Variants in MTA1 observed in about 807,000 individuals in gnomAD.
MTA1 encodes the protein metastasis-associated protein MTA1.
In MTA1, 15 loss-of-function variants were observed where a neutral mutation model predicts 97.0. That is an observed-to-expected ratio of 0.15 (90% CI 0.10 to 0.24). The LOEUF is 0.24. Among genes scored for constraint, MTA1 ranks in the 10% least tolerant of loss-of-function variants. The probability of loss-of-function intolerance (pLI) is 1.00; values close to 1 mark genes in which losing one functional copy is unlikely to be tolerated. For missense variants in MTA1, 709 were observed against 1,015.1 expected, an observed-to-expected ratio of 0.70 and a Z score of 4.10; for synonymous variants, 435 against 417.5, an observed-to-expected ratio of 1.04 and a Z score of -0.51.
chr14:105,451,482 C>T (rs78756252), intron 6 of MTA1, among the ~76,000 whole-genome samples: 3,364 of 152,306 alleles, frequency 0.022, 121 homozygotes, highest in African/African-American at 0.077. Context: ...ACATGCTGGG[C>T]GGGAGCAGAG....
chr14:105,439,350 G>A (rs1053421779), intron 2 of MTA1, among the ~76,000 whole-genome samples: 3 of 151,932 alleles, frequency 2.0e-5, no homozygotes, highest in African/African-American at 7.3e-5. Flanking sequence ...CTGTTTGGTC[G>A]GGGGACGTGG....
intron 2 of MTA1, among the ~76,000 whole-genome samples, chr14:105,444,374 C>CA (rs1416423204): frequency 8.1e-5 from 12 of 148,416 alleles, no homozygotes; most frequent in Admixed American, 3.4e-4. Flanking sequence ...GACTCTGTCT[C>CA]AAAAAAAAAG....
intron 1 of MTA1, among the ~76,000 whole-genome samples, chr14:105,435,443 C>A (rs1159752482): frequency 6.6e-6 from 1 of 152,150 alleles, no homozygotes; most frequent in Non-Finnish European, 1.5e-5. Flanking sequence ...TGCTACCACA[C>A]CTGCATAATT....
At chr14:105,449,973 T>C (rs1415804835) in intron 4 of MTA1, 85 bp from the exon 5 acceptor site, 1 of 1,583,804 alleles carries the variant, frequency 6.3e-7, no homozygotes, top group Non-Finnish European at 8.6e-7. Context: ...TCCTGCGTGC[T>C]GGCGCCAGGT....
intron 16 of MTA1, 183 bp from the exon 17 acceptor site, chr14:105,466,243 T>C (rs1425739345): frequency 2.6e-5 from 16 of 615,200 alleles, no homozygotes; most frequent in African/African-American, 5.6e-5. Flanking sequence ...CGAGGGCTTC[T>C]GGGCTTCTGG....
intron 19 of MTA1, 152 bp from the exon 20 acceptor site, chr14:105,469,689 C>T: frequency 7.8e-7 from 1 of 1,277,602 alleles, no homozygotes; most frequent in Non-Finnish European, 1.1e-6. Flanking sequence ...GCCGACCAGC[C>T]CTCAGGGCTG....
chr14:105,457,602 G>GCC (rs1414300992), intron 7 of MTA1, among the ~76,000 whole-genome samples: 1 of 152,250 alleles, frequency 6.6e-6, no homozygotes, highest in Non-Finnish European at 1.5e-5. Flanking sequence ...GGGCCCTCTT[G>GCC]CAACAGCATG....
At chr14:105,455,443 G>T (rs587639386) in intron 7 of MTA1, among the ~76,000 whole-genome samples, 28 of 152,332 alleles carry the variant, frequency 1.8e-4, no homozygotes, top group African/African-American at 6.7e-4. Context: ...CTCCCCGCTG[G>T]GCAAGGCCGC....
chr14:105,462,681 C>T (rs587616181), intron 10 of MTA1, among the ~76,000 whole-genome samples: 2 of 152,128 alleles, frequency 1.3e-5, no homozygotes, highest in South Asian at 2.1e-4. Context: ...CCGGCCTGGC[C>T]AACATGGTGA....
chr14:105,466,426 A>AGGGGCGG lies in MTA1; in HGVS notation c.1626_1627insGGGCGGG (p.Thr543GlyfsTer11). 6.7e-7 allele frequency: 1 copy of AGGGGCGG among 1,484,220 alleles called. No individual in the cohort carries two copies. Among genetic ancestry groups the AGGGGCGG allele is most frequent in the Non-Finnish European group, 9.3e-7 (1 of 1,071,320 alleles). 91.9% of individuals were successfully genotyped at this position (1,484,220 alleles called of 1,614,324 possible). On this transcript the variant is annotated frameshift_variant and splice_region_variant, in exon 17 of 21. Transcript: ENST00000331320. LOFTEE classifies it high-confidence loss of function. ...GTTCTGCCTGTGTCATTCCCGGCAG[A>AGGGGCGG]GACCCACCCCCGCCCCCCCAAGCCT...
At position 105,449,953 on chromosome 14, in the gene MTA1, G is replaced by A. The variant is rs782541479; in HGVS notation, c.242-105G>A. On this transcript the variant is annotated intron_variant, in intron 4 of 20. Transcript: ENST00000331320. ...GCAGCAGGAGGAGGCACGCCTCCCA[G>A]GACTGGGCCTCCTGCGTGCTGGCGC... 3.8e-4 allele frequency: 586 copies of A among 1,529,460 alleles called. 1 individual carries two copies. Among genetic ancestry groups the A allele is most frequent in the Admixed American group, 5.2e-4 (28 of 54,056 alleles). The allele number at this position is 1,529,460 out of a possible 1,614,324, so 94.7% of individuals were successfully genotyped here.
Position 105,464,510 on chromosome 14 carries a change from C to T in MTA1, c.1287C>T (p.Gly429=). The T allele has an allele frequency of 1.9e-6, 3 of 1,613,392 alleles. No individual in the cohort carries two copies. The highest frequency in any genetic ancestry group is 2.5e-6 in the Non-Finnish European group (3 of 1,179,962). ...GGACATATTGGAAGAAATATGGTGG[C>T]TTGAAAATGCCAACCCGGTTAGATG... ...SCWTYWKKYG[G]LKMPTRLDGE... The change falls in exon 14 of 21, where the codon GGC becomes GGT. Residue 429 remains glycine (G), a synonymous_variant. Coordinates refer to ENST00000331320, the MANE Select transcript of MTA1 (RefSeq NM_004689.4).
At chr14:105,467,794 G>C in intron 18 of MTA1, 1 of 276,238 alleles carries the variant, frequency 3.6e-6, no homozygotes, top group Admixed American at 5.1e-5. Context: ...GGGCGTCCCA[G>C]GAACAGCCCC....
chr14:105,440,261 A>G (rs1555425330), intron 2 of MTA1, among the ~76,000 whole-genome samples: 1 of 152,224 alleles, frequency 6.6e-6, no homozygotes. Flanking sequence ...CACTTTACGC[A>G]TCCCAGCATG....
Position 105,432,237 on chromosome 14 carries a change from TTTTA to T in MTA1, c.29-6419_29-6416del, listed in dbSNP as rs879989382. On this transcript the variant is annotated intron_variant, in intron 1 of 20. Coordinates refer to ENST00000331320, the MANE Select transcript of MTA1 (RefSeq NM_004689.4). Reference sequence around the variant, plus strand: ...GTTCTATTGCTTTTTTATTTTTATTTTTTATTTATTTATTTATTTTTGAGACGGA... The same window carrying T: ...GTTCTATTGCTTTTTTATTTTTATTTTTTATTTATTTATTTTTGAGACGGA... Among the ~76,000 whole-genome samples, 693 of 152,144 alleles carry T rather than the reference TTTTA, an allele frequency of 4.6e-3. 7 individuals are homozygous for T. Among genetic ancestry groups the T allele is most frequent in the Non-Finnish European group, 6.0e-3 (405 of 68,006 alleles).
chr14:105,420,363 C>CG lies in MTA1; in HGVS notation c.28+305dup, dbSNP rs1225191410. ...GGGGGCGCGGGGCCTGCGGGACATC[C>CG]GGGGGTCCGGGGCCGGGAGCCCCCA... On this transcript the variant is annotated intron_variant, in intron 1 of 20. Transcript: ENST00000331320. This position sits in a 1 kb window ranked among gnomAD's most constrained non-coding sequence, Gnocchi z 5.3. Among the ~76,000 whole-genome samples the CG allele has an allele frequency of 6.6e-6, 1 of 151,618 alleles. No individual in the cohort carries two copies. The highest frequency in any genetic ancestry group is 1.5e-5 in the Non-Finnish European group (1 of 67,818).
chr14:105,445,552 G>A (rs374847368), intron 3 of MTA1, 41 bp downstream of exon 3: 1 of 1,606,174 alleles, frequency 6.2e-7, no homozygotes, highest in South Asian at 1.1e-5. Context: ...TGGCGGGAGG[G>A]TCGGCTGGGG....
intron 18 of MTA1, chr14:105,467,814 G>A (rs587699930): frequency 7.6e-6 from 2 of 261,660 alleles, no homozygotes; most frequent in East Asian, 1.3e-4. Context: ...CATAAGAGCT[G>A]GTAGAAACAG....
rs1370743095 is a variant in MTA1, at chr14:105,466,517, C to G, written c.1716C>G (p.Ile572Met). The change falls in exon 17 of 21, where the codon ATC becomes ATG. Residue 572 changes from isoleucine to methionine, a missense_variant. Ile to Met is a conservative substitution (Grantham distance 10). Around this residue, in one of 2 missense-constraint regions of MTA1, gnomAD observed 388 missense variants for 421.6 expected, o/e 0.92. Coordinates refer to ENST00000331320, the MANE Select transcript of MTA1 (RefSeq NM_004689.4). ...SLTPAKVAPV[I>M]NNGSPTILGK... ...CGCCCGCCAAGGTGGCCCCCGTCAT[C>G]AACAACGGCTCCCCCACCATCCTGG... 1 of 1,590,920 alleles carries G rather than the reference C, an allele frequency of 6.3e-7. No homozygotes were observed. Among genetic ancestry groups the G allele is most frequent in the Non-Finnish European group, 8.5e-7 (1 of 1,169,686 alleles).
Sources: gnomAD v4.1 joint callset for allele counts (sites outside exome capture counted in the v4.1 genomes callset) on GRCh38, gnomAD v4.1.1 for gene constraint, gnomAD v4.1.1 regional missense constraint, Gnocchi (gnomAD v3.1) non-coding constraint, MANE v1.5 for transcripts, NCBI Gene and HGNC (gene_info 2026-07-23, HGNC 2026-07-21) for gene names.